Variants in GML observed in about 807,000 individuals in gnomAD.
The protein encoded by GML is glycosyl-phosphatidylinositol-anchored molecule-like protein.
A neutral mutation model predicts 8.2 loss-of-function variants in GML; 5 were observed. The ratio of observed to expected loss-of-function variants is 0.61; its 90% confidence interval spans 0.32 to 1.28. GML has a LOEUF of 1.28. Ranked by LOEUF, GML falls within the 50% of genes most tolerant of loss-of-function variation. The pLI, the probability that GML is intolerant of heterozygous loss-of-function variation, is 0.06. For synonymous variants in GML, 72 were observed against 69.0 expected, an observed-to-expected ratio of 1.04 and a Z score of -0.22; for missense variants, 191 against 198.3, an observed-to-expected ratio of 0.96 and a Z score of 0.22.
chr8:142,846,788 T>C lies in GML; in HGVS notation c.*98T>C. ...TAAGCCAGAGACCCTTATCCACTGC[T>C]CCTCTAGGTGGCCCATTTATGGTTT... is the stretch of plus-strand genomic sequence containing the variant. On this transcript the variant is annotated 3_prime_UTR_variant, in exon 4 of 4. Transcript: ENST00000220940. 1.2e-6 allele frequency: 1 copy of C among 850,942 alleles called. No individual in the cohort carries two copies. The highest frequency in any genetic ancestry group is 2.5e-5 in the East Asian group (1 of 40,596). 52.7% of individuals were successfully genotyped at this position (850,942 alleles called of 1,614,324 possible).
intron 3 of GML, 114 bp downstream of exon 3, chr8:142,841,339 C>T: frequency 2.9e-6 from 2 of 682,744 alleles, no homozygotes; most frequent in Non-Finnish European, 2.7e-6. Flanking sequence ...TTCCCCTTCC[C>T]TCATGTCCTC....
intron 3 of GML, among the ~76,000 whole-genome samples, chr8:142,844,638 G>A (rs1258365058): frequency 1.3e-5 from 2 of 152,162 alleles, no homozygotes; most frequent in Non-Finnish European, 2.9e-5. Context: ...TTAAACAAAA[G>A]GTTTAAAGGG....
intron 1 of GML, among the ~76,000 whole-genome samples, chr8:142,838,531 A>G (rs958304061): frequency 1.3e-5 from 2 of 152,208 alleles, no homozygotes; most frequent in African/African-American, 4.8e-5. Flanking sequence ...ATGATCACAC[A>G]GTCATACACG....
intron 1 of GML, among the ~76,000 whole-genome samples, chr8:142,838,580 A>G (rs1816374807): frequency 6.6e-6 from 1 of 151,980 alleles, no homozygotes; most frequent in Admixed American, 6.6e-5. Context: ...GCCTCTGGGT[A>G]AGGAATTCCT....
At chr8:142,837,935 G>C (rs1212732292) in intron 1 of GML, among the ~76,000 whole-genome samples, 2 of 149,132 alleles carry the variant, frequency 1.3e-5, no homozygotes, top group East Asian at 2.1e-4. Context: ...GGGCCACTTT[G>C]GTTCCCCGTG....
intron 1 of GML, among the ~76,000 whole-genome samples, chr8:142,838,414 C>G (rs1211811310): frequency 2.0e-5 from 3 of 152,034 alleles, no homozygotes; most frequent in African/African-American, 4.8e-5. Flanking sequence ...ACCGGAGACT[C>G]GGGGTCTGAG....
At chr8:142,838,918 C>T (rs890498967) in intron 1 of GML, among the ~76,000 whole-genome samples, 3 of 152,118 alleles carry the variant, frequency 2.0e-5, no homozygotes, top group Admixed American at 6.5e-5. Context: ...GGGTATTTTC[C>T]CATCCACCCC....
chr8:142,835,643 C>A (rs1365950295), intron 1 of GML, among the ~76,000 whole-genome samples: 1 of 152,102 alleles, frequency 6.6e-6, no homozygotes, highest in Non-Finnish European at 1.5e-5. Flanking sequence ...ATTTGGGGGT[C>A]TATTTCTTAT....
chr8:142,837,640 C>T (rs899751887), intron 1 of GML, among the ~76,000 whole-genome samples: 7 of 146,722 alleles, frequency 4.8e-5, no homozygotes, highest in African/African-American at 1.8e-4. Context: ...GTATGCTCAC[C>T]TTTCACACCG....
intron 1 of GML, among the ~76,000 whole-genome samples, chr8:142,837,101 G>A (rs550169645): frequency 1.9e-4 from 29 of 152,104 alleles, no homozygotes; most frequent in African/African-American, 6.5e-4. Context: ...CAAGACCAGC[G>A]TGGCCAACAT....
At chr8:142,835,151 C>T (rs1816315189) in intron 1 of GML, among the ~76,000 whole-genome samples, 1 of 151,960 alleles carries the variant, frequency 6.6e-6, no homozygotes, top group African/African-American at 2.4e-5. Context: ...CAGGGAGACC[C>T]CCTAATTCAG....
rs561346301 is a variant in GML, at chr8:142,843,462, G to A, written c.181+2237G>A. Reference sequence around the variant, plus strand: ...CAACACCCTTTCCAAATCTCTGAGGGAAATGTCTACCATCACCACTTCTAT... The same window carrying A: ...CAACACCCTTTCCAAATCTCTGAGGAAAATGTCTACCATCACCACTTCTAT... On this transcript the variant is annotated intron_variant, in intron 3 of 3. Transcript: ENST00000220940. Among the ~76,000 whole-genome samples the A allele has an allele frequency of 7.2e-5, 11 of 152,292 alleles. 1 individual carries two copies. The East Asian group carries it at 1.9e-3, about 27-fold the overall frequency.
chr8:142,840,379 G>T (rs1441415761), intron 1 of GML, 37 bp from the exon 2 acceptor site: 10 of 1,312,604 alleles, frequency 7.6e-6, no homozygotes, highest in Non-Finnish European at 9.9e-6. Context: ...AGGAGCCATG[G>T]CTCACTAACG....
chr8:142,841,867 C>T (rs1479421895), intron 3 of GML, among the ~76,000 whole-genome samples: 2 of 152,194 alleles, frequency 1.3e-5, no homozygotes, highest in African/African-American at 4.8e-5. Flanking sequence ...GTCTGGGGCT[C>T]TGCTCAGGGC....
chr8:142,844,256 T>C (rs1410939998), intron 3 of GML, among the ~76,000 whole-genome samples: 2 of 152,244 alleles, frequency 1.3e-5, no homozygotes, highest in African/African-American at 2.4e-5. Flanking sequence ...CAGTAGTGGA[T>C]ATGTTAGATA....
chr8:142,839,179 T>G (rs1384366298), intron 1 of GML, among the ~76,000 whole-genome samples: 3 of 151,972 alleles, frequency 2.0e-5, no homozygotes, highest in Non-Finnish European at 2.9e-5. Flanking sequence ...CTCAGGGGAA[T>G]GGGCATGGAG....
chr8:142,840,468 G>A lies in GML; in HGVS notation c.31G>A (p.Glu11Lys). The A allele has an allele frequency of 6.2e-7, 1 of 1,613,844 alleles. No homozygotes were observed. The highest frequency in any genetic ancestry group is 8.5e-7 in the Non-Finnish European group (1 of 1,179,684). ...CCTCTTTGCCTTACTCCTAGCCATG[G>A]AGCTCCCATTGGTGGCAGCCAGTGC... MLLFALLLAM[E>K]LPLVAASATM... Residue 11 changes from glutamate (E) to lysine (K), a missense_variant, in exon 2 of 4, where the codon GAG (glutamate) becomes AAG (lysine). Glu to Lys is a moderately conservative substitution (Grantham distance 56). Coordinates refer to ENST00000220940, the MANE Select transcript of GML (RefSeq NM_002066.3).
At chr8:142,840,621 C>A (rs1816416957) in intron 2 of GML, 111 bp downstream of exon 2, 4 of 761,236 alleles carry the variant, frequency 5.3e-6, no homozygotes, top group East Asian at 2.5e-5. Flanking sequence ...TTAGCTGGGG[C>A]CTGCATTGTC....
chr8:142,837,804 T>A (rs1479668560), intron 1 of GML, among the ~76,000 whole-genome samples: 1 of 146,814 alleles, frequency 6.8e-6, no homozygotes, highest in Admixed American at 6.9e-5. Flanking sequence ...TCTCCTGGGA[T>A]CTGCCACACT....
Sources: allele counts gnomAD v4.1 joint callset (sites outside exome capture counted in the v4.1 genomes callset), GRCh38; gene constraint gnomAD v4.1.1; transcripts MANE v1.5; gene names NCBI Gene and HGNC (gene_info 2026-07-23, HGNC 2026-07-21).